Variants in ZC3H7B observed in about 807,000 individuals in gnomAD.
The protein encoded by ZC3H7B is zinc finger CCCH domain-containing protein 7B.
ZC3H7B carries 35 observed loss-of-function variants against 116.0 expected under a neutral mutation model. That is an observed-to-expected ratio of 0.30 (90% CI 0.23 to 0.40). The LOEUF (loss-of-function observed/expected upper bound fraction) is 0.40. Among genes scored for constraint, ZC3H7B ranks in the 10% least tolerant of loss-of-function variants. The probability of loss-of-function intolerance (pLI) is 1.00; values close to 1 mark genes in which losing one functional copy is unlikely to be tolerated. For missense variants in ZC3H7B, 1,011 were observed against 1,321.5 expected, an observed-to-expected ratio of 0.77 and a Z score of 3.64; for synonymous variants, 502 against 545.6, an observed-to-expected ratio of 0.92 and a Z score of 1.11.
At chr22:41,321,029 G>T (rs1223718000) in intron 2 of ZC3H7B, among the ~76,000 whole-genome samples, 2 of 152,030 alleles carry the variant, frequency 1.3e-5, no homozygotes, top group African/African-American at 2.4e-5. Flanking sequence ...ATAAATCAAT[G>T]GTCCCTCTGT....
chr22:41,341,436 C>T (rs561052256), intron 11 of ZC3H7B, among the ~76,000 whole-genome samples: 40 of 152,292 alleles, frequency 2.6e-4, no homozygotes, highest in Non-Finnish European at 4.3e-4. Flanking sequence ...AGACTCAGTC[C>T]GGTCCTGAGT....
intron 1 of ZC3H7B, among the ~76,000 whole-genome samples, chr22:41,317,092 C>T (rs1221275367): frequency 1.3e-5 from 2 of 152,202 alleles, no homozygotes; most frequent in African/African-American, 2.4e-5. Flanking sequence ...CCTGCCTCAG[C>T]CTCCCAAAGT....
intron 1 of ZC3H7B, among the ~76,000 whole-genome samples, chr22:41,315,865 A>T (rs1186672170): frequency 2.6e-5 from 4 of 152,162 alleles, no homozygotes. Context: ...GTCACATTAG[A>T]GATTAGAGCT....
rs1000716843 is a variant in ZC3H7B, at chr22:41,359,559, G to C, written c.*2130G>C. The stretch of plus-strand genomic sequence containing the variant: ...CCAGACCACCCCCATCGAGTGCGGA[G>C]AGAGTGGGAGTGCTCAGGGAAAGAA... On this transcript the variant is annotated 3_prime_UTR_variant, in exon 23 of 23. Transcript: ENST00000352645. 2.0e-5 allele frequency: 3 copies of C among 152,200 alleles called. No individual in the cohort carries two copies. The highest frequency in any genetic ancestry group is 4.8e-5 in the African/African-American group (2 of 41,436). 9.4% of individuals were successfully genotyped at this position (152,200 alleles called of 1,614,324 possible). A position where few individuals can be genotyped will look rare whatever the true frequency, so the allele number is the denominator to read the frequency against.
chr22:41,354,749 C>T (rs2036691658), intron 17 of ZC3H7B, among the ~76,000 whole-genome samples: 1 of 152,166 alleles, frequency 6.6e-6, no homozygotes, highest in South Asian at 2.1e-4. Flanking sequence ...CCAACCCTGT[C>T]CCGGGGTACA....
chr22:41,318,819 C>T (rs2036216018), intron 1 of ZC3H7B, among the ~76,000 whole-genome samples: 1 of 152,192 alleles, frequency 6.6e-6, no homozygotes, highest in South Asian at 2.1e-4. Context: ...GCCCACTCTG[C>T]TCCATCCTCA....
Position 41,338,913 on chromosome 22 carries a change from T to C in ZC3H7B, c.626-88T>C. On this transcript the variant is annotated intron_variant, in intron 8 of 22. Transcript: ENST00000352645. This position sits in a 1 kb window ranked among gnomAD's most constrained non-coding sequence, Gnocchi z 4.5. ...CAAGAGCTGAAAGAAGAAGGGAAAG[T>C]GTTGGATGAGCATCACGGGGCCCGG... The C allele has an allele frequency of 1.5e-6, 2 of 1,333,160 alleles. No homozygotes were observed. The highest frequency in any genetic ancestry group is 2.0e-6 in the Non-Finnish European group (2 of 993,450). 82.6% of individuals were successfully genotyped at this position (1,333,160 alleles called of 1,614,324 possible). A position where few individuals can be genotyped will look rare whatever the true frequency, so the allele number is the denominator to read the frequency against.
chr22:41,341,233 G>T, intron 11 of ZC3H7B, 87 bp downstream of exon 11: 5 of 1,516,404 alleles, frequency 3.3e-6, no homozygotes, highest in Non-Finnish European at 4.6e-6. Context: ...CTCTGCATGG[G>T]GTAAGGCACT....
chr22:41,310,432 T>C (rs1351391332), intron 1 of ZC3H7B, among the ~76,000 whole-genome samples: 2 of 152,054 alleles, frequency 1.3e-5, no homozygotes, highest in Non-Finnish European at 2.9e-5. Context: ...AGTGCTGGGA[T>C]CTGAACCCAG....
At chr22:41,347,912 G>T (rs1201256988) in intron 14 of ZC3H7B, among the ~76,000 whole-genome samples, 155 bp from the exon 15 acceptor site, 1 of 152,188 alleles carries the variant, frequency 6.6e-6, no homozygotes. Flanking sequence ...AGAGAGGCAA[G>T]ACCACAGACC....
In ZC3H7B at chr22:41,343,559, C is replaced by A; in HGVS notation, c.1442C>A (p.Ser481Tyr). The part of the protein sequence containing the change: ...PRPTKTSFVG[S>Y]YYLCKDMINK... The stretch of plus-strand genomic sequence containing the variant: ...CCCACTAAGACCAGCTTCGTGGGCT[C>A]CTACTACCTGTGCAAAGGTGGGTGG... The change falls in exon 13 of 23, where the codon TCC becomes TAC. Residue 481 changes from serine to tyrosine, a missense_variant. Ser to Tyr is a moderately radical substitution (Grantham distance 144). Coordinates refer to ENST00000352645, the MANE Select transcript of ZC3H7B (RefSeq NM_017590.6). 1 of 1,607,480 alleles carries A rather than the reference C, an allele frequency of 6.2e-7. No individual in the cohort carries two copies. Among genetic ancestry groups the A allele is most frequent in the Non-Finnish European group, 8.5e-7 (1 of 1,175,680 alleles).
chr22:41,313,847 A>C (rs1338344546), intron 1 of ZC3H7B, among the ~76,000 whole-genome samples: 5 of 151,618 alleles, frequency 3.3e-5, no homozygotes, highest in African/African-American at 7.3e-5. Context: ...TTCGGGTTCA[A>C]GCGATTCTCC....
Position 41,346,966 on chromosome 22 carries a change from CAAA to C in ZC3H7B, c.1665+775_1665+777del, listed in dbSNP as rs35397354. Among the ~76,000 whole-genome samples the C allele has an allele frequency of 1.8e-4, 21 of 116,716 alleles. No homozygotes were observed. Among genetic ancestry groups the C allele is most frequent in the Non-Finnish European group, 1.2e-4 (7 of 58,254 alleles). 76.6% of individuals were successfully genotyped at this position (116,716 alleles called of 152,430 possible). ...TGGGTGACAGAGTGAGACCCTATTC[CAAA>C]AAAAAAAAAAAAAAAATGTCATTTC... On this transcript the variant is annotated intron_variant, in intron 14 of 22. Coordinates refer to ENST00000352645, the MANE Select transcript of ZC3H7B (RefSeq NM_017590.6). This position sits in a 1 kb window ranked among gnomAD's most constrained non-coding sequence, Gnocchi z 5.3.
chr22:41,318,392 G>A (rs2036210434), intron 1 of ZC3H7B, among the ~76,000 whole-genome samples: 1 of 152,112 alleles, frequency 6.6e-6, no homozygotes, highest in Non-Finnish European at 1.5e-5. Context: ...AGCCGGGTGT[G>A]GTGGCAGGCG....
intron 1 of ZC3H7B, among the ~76,000 whole-genome samples, chr22:41,311,451 G>C (rs1569229973): frequency 6.6e-6 from 1 of 152,022 alleles, no homozygotes; most frequent in Non-Finnish European, 1.5e-5. Flanking sequence ...AGCTGAGATG[G>C]CACCAAAGAG....
chr22:41,305,509 C>CA (rs1435080385), intron 1 of ZC3H7B, among the ~76,000 whole-genome samples: 1 of 151,806 alleles, frequency 6.6e-6, no homozygotes, highest in African/African-American at 2.4e-5. Context: ...AACTCTGTCT[C>CA]AAAAAAACAA....
In ZC3H7B at chr22:41,355,605, GAGTGGGATGCCAGGTGGGGGCTCA is replaced by G. The variant is rs780610466; in HGVS notation, c.2168+4_2168+27del. 6.2e-7 allele frequency: 1 copy of G among 1,614,092 alleles called. No homozygotes were observed. The highest frequency in any genetic ancestry group is 1.7e-5 in the Admixed American group (1 of 60,014). The stretch of plus-strand genomic sequence containing the variant: ...TGTAGTGCCAAGGCCCGGCACTGGT[GAGTGGGATGCCAGGTGGGGGCTCA>G]GGTGGGATGGGGCCACCCTACCACC... On this transcript the variant is annotated splice_donor_5th_base_variant and intron_variant, in intron 18 of 22. Coordinates refer to ENST00000352645, the MANE Select transcript of ZC3H7B (RefSeq NM_017590.6).
At chr22:41,352,109 T>C (rs906113874) in intron 17 of ZC3H7B, among the ~76,000 whole-genome samples, 2 of 152,226 alleles carry the variant, frequency 1.3e-5, no homozygotes, top group African/African-American at 4.8e-5. Flanking sequence ...GTGCAGCGAT[T>C]ACAGGCATGA....
chr22:41,305,872 C>T (rs1262779853), intron 1 of ZC3H7B, among the ~76,000 whole-genome samples: 1 of 152,120 alleles, frequency 6.6e-6, no homozygotes, highest in Non-Finnish European at 1.5e-5. Flanking sequence ...CCTCCAGCCC[C>T]AGAGGCGGTG....
Sources: gnomAD v4.1 joint callset for allele counts (sites outside exome capture counted in the v4.1 genomes callset) on GRCh38, gnomAD v4.1.1 for gene constraint, Gnocchi (gnomAD v3.1) non-coding constraint, MANE v1.5 for transcripts, NCBI Gene and HGNC (gene_info 2026-07-23, HGNC 2026-07-21) for gene names.